The following CCDC93 variants were observed in gnomAD, a reference collection of about 807,000 sequenced individuals.
CCDC93 encodes the protein CCC complex scaffolding subunit CCDC93.
A neutral mutation model predicts 108.2 loss-of-function variants in CCDC93; 61 were observed. The ratio of observed to expected loss-of-function variants is 0.56; its 90% confidence interval spans 0.46 to 0.70. The LOEUF is 0.70. Ranked by LOEUF, CCDC93 falls within the 30% of genes least tolerant of loss-of-function variation. CCDC93 has a pLI of 0.00. For missense variants in CCDC93, 685 were observed against 764.2 expected (o/e 0.90, Z 1.22); for synonymous variants, 276 against 260.4 (o/e 1.06, Z -0.58).
intron 11 of CCDC93, among the ~76,000 whole-genome samples, chr2:117,966,830 A>C (rs1392422946): frequency 6.6e-6 from 1 of 152,258 alleles, no homozygotes; most frequent in African/African-American, 2.4e-5. Context: ...TCAAAAGGTC[A>C]GAGGCAATGG....
At chr2:117,978,290 A>T (rs759873078) in intron 7 of CCDC93, among the ~76,000 whole-genome samples, 11 of 152,210 alleles carry the variant, frequency 7.2e-5, no homozygotes, top group Non-Finnish European at 1.6e-4. Flanking sequence ...CATTTTCCTT[A>T]AGTGCAATTA....
chr2:118,006,628 T>C, intron 3 of CCDC93, 94 bp downstream of exon 3: 1 of 723,862 alleles, frequency 1.4e-6, no homozygotes, highest in Admixed American at 2.4e-5. Context: ...TAAAATAAAC[T>C]ATGTAAAGTG....
chr2:117,977,540 C>G (rs1352452827), intron 8 of CCDC93, among the ~76,000 whole-genome samples: 1 of 152,182 alleles, frequency 6.6e-6, no homozygotes, highest in African/African-American at 2.4e-5. Context: ...TTTGGGCATC[C>G]TTTGTGAAGT....
chr2:117,934,419 C>CA (rs1397731419), intron 22 of CCDC93: 1 of 152,174 alleles, frequency 6.6e-6, no homozygotes. Context: ...GGTGAGTGTG[C>CA]ATATATAGGC....
At chr2:118,003,373 GGT>G (rs2104826710) in intron 3 of CCDC93, among the ~76,000 whole-genome samples, 1 of 152,248 alleles carries the variant, frequency 6.6e-6, no homozygotes. Context: ...GTGTTCAACT[GGT>G]ACTGCTGCCT....
chr2:117,981,623 A>C (rs980378662), intron 7 of CCDC93, among the ~76,000 whole-genome samples: 4 of 152,370 alleles, frequency 2.6e-5, no homozygotes, highest in Admixed American at 2.6e-4. Flanking sequence ...ACAGTACAAA[A>C]GAAATATAAA....
chr2:117,918,535 T>C lies in CCDC93; in HGVS notation c.*1808A>G, dbSNP rs6755016. The C allele has an allele frequency of 0.37, 55,566 of 152,068 alleles. 10,949 individuals carry two copies. Among genetic ancestry groups the C allele is most frequent in the African/African-American group, 0.49 (20,253 of 41,426 alleles). The allele number at this position is 152,068 out of a possible 1,614,324, so 9.4% of individuals were successfully genotyped here. A position where few individuals can be genotyped will look rare whatever the true frequency, so the allele number is the denominator to read the frequency against. On this transcript the variant is annotated 3_prime_UTR_variant, in exon 24 of 24. Coordinates refer to ENST00000376300, the MANE Select transcript of CCDC93 (RefSeq NM_019044.5). Reference sequence around the variant, plus strand: ...CTCCCTACCACCTTTGGACAAATATTCAAATAACTGCCCCAACTGCTCACA... The same window carrying C: ...CTCCCTACCACCTTTGGACAAATATCCAAATAACTGCCCCAACTGCTCACA...
chr2:117,946,575 G>A (rs1332894991), intron 16 of CCDC93, among the ~76,000 whole-genome samples: 1 of 152,184 alleles, frequency 6.6e-6, no homozygotes, highest in Non-Finnish European at 1.5e-5. Context: ...CCAGAATTGT[G>A]TAATCTGGTA....
At chr2:117,991,870 A>C (rs1047862044) in intron 6 of CCDC93, among the ~76,000 whole-genome samples, 45 of 152,326 alleles carry the variant, frequency 3.0e-4, no homozygotes, top group African/African-American at 9.6e-4. Flanking sequence ...TGAGCTGTTT[A>C]ATTTTTTGTA....
At chr2:118,000,979 CTT>C in intron 3 of CCDC93, 47 bp from the exon 4 acceptor site, 1 of 1,132,222 alleles carries the variant, frequency 8.8e-7, no homozygotes, top group Non-Finnish European at 1.3e-6. Flanking sequence ...ACTAAGTAGC[CTT>C]TATGGCATCT....
intron 23 of CCDC93, among the ~76,000 whole-genome samples, chr2:117,926,385 G>A (rs955650732): frequency 6.6e-6 from 1 of 152,030 alleles, no homozygotes; most frequent in African/African-American, 2.4e-5. Flanking sequence ...GACTAATAAA[G>A]AAGAAAAGAG....
intron 23 of CCDC93, among the ~76,000 whole-genome samples, chr2:117,922,812 A>G (rs1677918295): frequency 6.6e-6 from 1 of 152,148 alleles, no homozygotes; most frequent in African/African-American, 2.4e-5. Context: ...TGTAATATAT[A>G]AAACAGAAAA....
Position 117,931,136 on chromosome 2 carries a change from C to T in CCDC93, c.1743G>A (p.Lys581=), listed in dbSNP as rs1678313256. 3 of 1,612,874 alleles carry T rather than the reference C, an allele frequency of 1.9e-6. No individual in the cohort carries two copies. Among genetic ancestry groups the T allele is most frequent in the African/African-American group, 1.3e-5 (1 of 74,888 alleles). Residue 581 remains lysine (K), a synonymous_variant, in exon 23 of 24, where the codon AAG becomes AAA. Coordinates refer to ENST00000376300, the MANE Select transcript of CCDC93 (RefSeq NM_019044.5). ...GGTCTCTTCTCATTTTGTTCTCTTG[C>T]TTTTTCTTTTCCATCTGTTGAAACA... is the stretch of plus-strand genomic sequence containing the variant. ...KQSRMKMEKK[K]QENKMRRDQL...
intron 8 of CCDC93, 74 bp from the exon 9 acceptor site, chr2:117,975,354 AG>A: frequency 9.2e-7 from 1 of 1,083,528 alleles, no homozygotes; most frequent in South Asian, 1.3e-5. Context: ...TACTGACAAG[AG>A]GCATGAGTCT....
chr2:118,001,754 T>A (rs1001117719), intron 3 of CCDC93, among the ~76,000 whole-genome samples: 3 of 152,126 alleles, frequency 2.0e-5, no homozygotes, highest in Admixed American at 1.3e-4. Flanking sequence ...TGAGCTGGGG[T>A]AGGACAGTTT....
chr2:117,984,922 A>G (rs1338017700), intron 7 of CCDC93, among the ~76,000 whole-genome samples: 1 of 152,180 alleles, frequency 6.6e-6, no homozygotes, highest in Admixed American at 6.5e-5. Flanking sequence ...TGTTGTCTTT[A>G]AATTCTTAAT....
At chr2:117,978,065 T>G (rs769359038) in intron 7 of CCDC93, 35 bp from the exon 8 acceptor site, 2 of 1,596,482 alleles carry the variant, frequency 1.3e-6, no homozygotes, top group Non-Finnish European at 1.7e-6. Context: ...AATTACTACT[T>G]AAAAAATTAC....
intron 4 of CCDC93, chr2:117,999,745 T>A (rs1389485627): frequency 1.3e-5 from 2 of 152,242 alleles, no homozygotes; most frequent in African/African-American, 4.8e-5. Flanking sequence ...AAGGTTATAA[T>A]ACCTAATACA....
In CCDC93 at chr2:118,013,975, C is replaced by CG; in HGVS notation, c.20dup (p.Glu8GlyfsTer14). 1 of 1,594,914 alleles carries CG rather than the reference C, an allele frequency of 6.3e-7. No homozygotes were observed. Among genetic ancestry groups the CG allele is most frequent in the Non-Finnish European group, 8.5e-7 (1 of 1,172,242 alleles). The stretch of plus-strand genomic sequence containing the variant: ...TTACCTCCGGGAGACCCTGGCCCTC[C>CG]GGCCCCCTGGGCAACCCCATGATCC... On this transcript the variant is annotated frameshift_variant, in exon 1 of 24. Coordinates refer to ENST00000376300, the MANE Select transcript of CCDC93 (RefSeq NM_019044.5). LOFTEE classifies it high-confidence loss of function.
Sources: gnomAD v4.1 joint callset for allele counts (sites outside exome capture counted in the v4.1 genomes callset) on GRCh38, gnomAD v4.1.1 for gene constraint, MANE v1.5 for transcripts, NCBI Gene and HGNC (gene_info 2026-07-23, HGNC 2026-07-21) for gene names.